The following PTPRD variants were observed in gnomAD, a reference collection of about 807,000 sequenced individuals.
PTPRD encodes protein tyrosine phosphatase receptor type D.
Under a neutral mutation model 214.5 loss-of-function variants are expected in PTPRD, and 34 were observed. The ratio of observed to expected loss-of-function variants is 0.16; its 90% confidence interval spans 0.12 to 0.21. The LOEUF (loss-of-function observed/expected upper bound fraction) is 0.21. Ranked by LOEUF, PTPRD falls within the 10% of genes least tolerant of loss-of-function variation. The pLI is 1.00. For missense variants in PTPRD, 2,545 were observed against 2,398.7 expected (o/e 1.06, Z -1.27); for synonymous variants, 1,128 against 845.7 (o/e 1.33, Z -5.79).
chr9:9,813,345 A>AACTTTAG (rs1180377465), intron 5 of PTPRD, among the ~76,000 whole-genome samples: 2 of 151,180 alleles, frequency 1.3e-5, no homozygotes, highest in African/African-American at 4.9e-5. Flanking sequence ...AATGATCAAC[A>AACTTTAG]AAACTGAGAG....
chr9:8,397,250 G>A (rs767976422), intron 36 of PTPRD, among the ~76,000 whole-genome samples: 1 of 152,138 alleles, frequency 6.6e-6, no homozygotes, highest in African/African-American at 2.4e-5. Context: ...CTGGGAAAGA[G>A]AGGGAGAGAA....
intron 5 of PTPRD, among the ~76,000 whole-genome samples, chr9:9,796,490 T>G (rs559138546): frequency 1.2e-4 from 19 of 152,240 alleles, no homozygotes; most frequent in African/African-American, 4.6e-4. Context: ...TTGAAGAAAC[T>G]AAGCATTTGC....
intron 2 of PTPRD, among the ~76,000 whole-genome samples, chr9:10,414,975 G>T (rs528633428): frequency 1.3e-5 from 2 of 151,582 alleles, no homozygotes; most frequent in African/African-American, 4.8e-5. Context: ...AATAACTATT[G>T]GTTACTAGGT....
intron 3 of PTPRD, among the ~76,000 whole-genome samples, chr9:10,060,943 T>TC (rs763890374): frequency 7.0e-6 from 1 of 142,722 alleles, no homozygotes; most frequent in Non-Finnish European, 1.5e-5. Context: ...TTTCTTTCTT[T>TC]CTTTCTTTCT....
At chr9:10,547,415 T>A (rs1379299821) in intron 2 of PTPRD, among the ~76,000 whole-genome samples, 1 of 152,030 alleles carries the variant, frequency 6.6e-6, no homozygotes, top group Non-Finnish European at 1.5e-5. Context: ...CACAAAGATG[T>A]TACCATGCTC....
intron 11 of PTPRD, among the ~76,000 whole-genome samples, chr9:9,013,316 G>A (rs557163082): frequency 3.9e-5 from 6 of 152,068 alleles, no homozygotes; most frequent in East Asian, 1.9e-4. Context: ...AAATAAATGC[G>A]CCATGGGAGT....
intron 3 of PTPRD, among the ~76,000 whole-genome samples, chr9:10,302,026 C>T (rs200317142): frequency 4.6e-5 from 7 of 152,110 alleles, no homozygotes; most frequent in African/African-American, 1.7e-4. Context: ...AGAGGGAAAG[C>T]TTGGGTTACC....
chr9:8,929,183 T>C (rs1277298565), intron 11 of PTPRD, among the ~76,000 whole-genome samples: 2 of 152,158 alleles, frequency 1.3e-5, no homozygotes, highest in Admixed American at 6.6e-5. Flanking sequence ...ACTTGATTTC[T>C]TTCCCTTGCC....
chr9:8,484,423 G>A (rs1369841440), intron 29 of PTPRD, 45 bp from the exon 30 acceptor site: 3 of 1,561,724 alleles, frequency 1.9e-6, no homozygotes, highest in African/African-American at 1.4e-5. Context: ...TTATCAGAGA[G>A]GCAAAATATA....
intron 7 of PTPRD, among the ~76,000 whole-genome samples, chr9:9,691,812 C>T (rs1174541337): frequency 6.6e-6 from 1 of 151,940 alleles, no homozygotes; most frequent in African/African-American, 2.4e-5. Context: ...TGGACAAAAC[C>T]CATTTTAGCT....
chr9:9,088,499 G>C (rs1033826611), intron 10 of PTPRD, among the ~76,000 whole-genome samples: 13 of 142,306 alleles, frequency 9.1e-5, no homozygotes, highest in African/African-American at 3.4e-4. Flanking sequence ...AGATTTGTTT[G>C]AACCCAGGAG....
chr9:8,927,368 A>C lies in PTPRD; in HGVS notation c.-104+91329T>G, dbSNP rs186671109. On this transcript the variant is annotated intron_variant, in intron 11 of 45. Transcript: ENST00000381196. ...GGTATTTCTCCTAATGCTATTCCCC[A>C]ACATGACAGGCCCTGGTGTGTGACG... is the stretch of plus-strand genomic sequence containing the variant. Among the ~76,000 whole-genome samples the C allele has an allele frequency of 5.2e-3, 789 of 151,584 alleles. 7 individuals are homozygous for C. The highest frequency in any genetic ancestry group is 0.018 in the African/African-American group (762 of 41,432).
At chr9:9,369,802 G>T (rs909423542) in intron 9 of PTPRD, among the ~76,000 whole-genome samples, 13 of 152,138 alleles carry the variant, frequency 8.5e-5, no homozygotes, top group African/African-American at 3.1e-4. Context: ...GTGTAAGGAA[G>T]GGATCCAGTT....
chr9:10,317,264 T>C (rs950960294), intron 3 of PTPRD, among the ~76,000 whole-genome samples: 1 of 151,982 alleles, frequency 6.6e-6, no homozygotes, highest in African/African-American at 2.4e-5. Context: ...ATTAGTTAAT[T>C]AGATTTTTAT....
intron 12 of PTPRD, among the ~76,000 whole-genome samples, chr9:8,646,225 G>A (rs2096686546): frequency 6.6e-6 from 1 of 152,110 alleles, no homozygotes; most frequent in Non-Finnish European, 1.5e-5. Context: ...CTTCCCATCT[G>A]GTCACTCTCA....
At chr9:8,328,222 A>C (rs978346920) in intron 44 of PTPRD, among the ~76,000 whole-genome samples, 2 of 152,270 alleles carry the variant, frequency 1.3e-5, no homozygotes, top group African/African-American at 2.4e-5. Flanking sequence ...GGTGGTGACA[A>C]AATCTCTCAG....
intron 10 of PTPRD, among the ~76,000 whole-genome samples, chr9:9,072,484 G>C (rs2099745201): frequency 6.6e-6 from 1 of 152,170 alleles, no homozygotes; most frequent in Non-Finnish European, 1.5e-5. Context: ...CGTTCAGGCT[G>C]CTTACTATCT....
At chr9:9,520,788 G>C (rs754434809) in intron 8 of PTPRD, among the ~76,000 whole-genome samples, 21 of 152,116 alleles carry the variant, frequency 1.4e-4, no homozygotes, top group Non-Finnish European at 1.5e-5. Context: ...AGAACTGTGG[G>C]ATTTCATTAA....
In PTPRD at chr9:9,651,826, GTTTTTTTTT is replaced by G. The variant is rs869105633; in HGVS notation, c.-286-77054_-286-77046del. 2.5e-3 allele frequency among the ~76,000 whole-genome samples: 139 copies of G among 55,086 alleles called. 1 individual carries two copies. The highest frequency in any genetic ancestry group is 9.9e-3 in the African/African-American group (128 of 12,966). 36.1% of individuals were successfully genotyped at this position (55,086 alleles called of 152,430 possible). On this transcript the variant is annotated intron_variant, in intron 7 of 45. Transcript: ENST00000381196. Reference sequence around the variant, plus strand: ...CTGCCTTTGTATTTATTCAAGGTTTGTTTTTTTTTTTTTTTTTTTTTTTTTTTTAATGGA... The same window carrying G: ...CTGCCTTTGTATTTATTCAAGGTTTGTTTTTTTTTTTTTTTTTTTAATGGA...
Sources: allele counts gnomAD v4.1 joint callset (sites outside exome capture counted in the v4.1 genomes callset), GRCh38; gene constraint gnomAD v4.1.1; transcripts MANE v1.5; gene names NCBI Gene and HGNC (gene_info 2026-07-23, HGNC 2026-07-21).